SLCO3A1: variants seen among roughly 807,000 people sequenced by gnomAD.
The protein encoded by SLCO3A1 is PGE1 transporter.
A neutral mutation model predicts 63.1 loss-of-function variants in SLCO3A1; 27 were observed. That is an observed-to-expected ratio of 0.43 (90% CI 0.32 to 0.59). The LOEUF is 0.59. Among genes scored for constraint, SLCO3A1 ranks in the 20% least tolerant of loss-of-function variants. The pLI, the probability that SLCO3A1 is intolerant of heterozygous loss-of-function variation, is 0.09. For synonymous variants in SLCO3A1, 473 were observed against 409.9 expected (o/e 1.15, Z -1.86); for missense variants, 773 against 945.8 (o/e 0.82, Z 2.40).
chr15:91,984,890 T>G (rs2046030998), intron 2 of SLCO3A1, among the ~76,000 whole-genome samples: 1 of 152,374 alleles, frequency 6.6e-6, no homozygotes, highest in Non-Finnish European at 1.5e-5. Context: ...TTTTTTGGTG[T>G]TGTGTTTGTA....
chr15:92,020,122 C>T (rs2151470769), intron 2 of SLCO3A1, among the ~76,000 whole-genome samples: 1 of 152,282 alleles, frequency 6.6e-6, no homozygotes, highest in African/African-American at 2.4e-5. Context: ...GGGATATGAG[C>T]CTCTCTCTGA....
chr15:92,112,870 A>G (rs1192544473), intron 4 of SLCO3A1, among the ~76,000 whole-genome samples: 4 of 152,130 alleles, frequency 2.6e-5, no homozygotes, highest in Admixed American at 1.3e-4. Flanking sequence ...TTTCACCCCC[A>G]CTGTTTCTTT....
chr15:91,964,732 A>C (rs923305983), intron 2 of SLCO3A1, among the ~76,000 whole-genome samples: 1 of 150,988 alleles, frequency 6.6e-6, no homozygotes, highest in Admixed American at 6.6e-5. Context: ...AACATCCTTT[A>C]AAATTAGATA....
chr15:91,987,050 AC>A (rs2046062456), intron 2 of SLCO3A1, among the ~76,000 whole-genome samples: 1 of 152,114 alleles, frequency 6.6e-6, no homozygotes, highest in Non-Finnish European at 1.5e-5. Flanking sequence ...TTGGGGCTTC[AC>A]AGCCCCAAAG....
At chr15:92,087,437 G>A (rs1030417949) in intron 2 of SLCO3A1, among the ~76,000 whole-genome samples, 12 of 152,044 alleles carry the variant, frequency 7.9e-5, no homozygotes, top group Admixed American at 2.0e-4. Context: ...TTGGTCCTTA[G>A]CATTTCTATG....
At position 92,080,097 on chromosome 15, in the gene SLCO3A1, G is replaced by A. The variant is rs555116671; in HGVS notation, c.647-14784G>A. Among the ~76,000 whole-genome samples, 163 of 152,362 alleles carry A rather than the reference G, an allele frequency of 1.1e-3. 1 individual carries two copies. The highest frequency in any genetic ancestry group is 6.8e-3 in the Middle Eastern group (2 of 294). On this transcript the variant is annotated intron_variant, in intron 2 of 9. Coordinates refer to ENST00000318445, the MANE Select transcript of SLCO3A1 (RefSeq NM_013272.4). ...AAAGAAAAGATGCCTCTTTCAGCTA[G>A]GTTGAGAAGCCCAGAGTGGCAACAG... is the stretch of plus-strand genomic sequence containing the variant.
intron 2 of SLCO3A1, among the ~76,000 whole-genome samples, chr15:92,026,572 AG>A (rs1285230849): frequency 1.3e-5 from 2 of 152,228 alleles, no homozygotes; most frequent in Non-Finnish European, 2.9e-5. Flanking sequence ...GGGGTCCCTA[AG>A]GGTTCTATGA....
chr15:92,125,651 A>T (rs975702616), intron 5 of SLCO3A1, among the ~76,000 whole-genome samples: 1 of 151,960 alleles, frequency 6.6e-6, no homozygotes, highest in African/African-American at 2.4e-5. Flanking sequence ...AATGATCTCA[A>T]GTCCGCTTCC....
At chr15:92,126,443 T>C (rs182923938) in intron 6 of SLCO3A1, among the ~76,000 whole-genome samples, 184 bp downstream of exon 6, 14 of 152,202 alleles carry the variant, frequency 9.2e-5, no homozygotes, top group African/African-American at 3.1e-4. Context: ...AAAGCAGACC[T>C]TTCCACTCAA....
chr15:92,104,069 TAAG>T (rs2047637605), intron 3 of SLCO3A1, among the ~76,000 whole-genome samples: 1 of 152,120 alleles, frequency 6.6e-6, no homozygotes, highest in Non-Finnish European at 1.5e-5. Context: ...ACAAGAAAAT[TAAG>T]GGGGGAATGT....
intron 9 of SLCO3A1, among the ~76,000 whole-genome samples, chr15:92,151,943 CAATTAGTTA>C (rs2048311086): frequency 6.6e-6 from 1 of 152,088 alleles, no homozygotes. Context: ...CAACAGCAGA[CAATTAGTTA>C]AATCAGTTAT....
At chr15:92,130,252 C>G (rs1363900844) in intron 7 of SLCO3A1, among the ~76,000 whole-genome samples, 2 of 152,238 alleles carry the variant, frequency 1.3e-5, no homozygotes, top group African/African-American at 2.4e-5. Flanking sequence ...TGGCTGCATC[C>G]CACTGCTGAA....
chr15:92,120,633 A>G lies in SLCO3A1; in HGVS notation c.1174+4A>G. 6.3e-7 allele frequency: 1 copy of G among 1,575,734 alleles called. No individual in the cohort carries two copies. The highest frequency in any genetic ancestry group is 1.1e-5 in the South Asian group (1 of 90,154). On this transcript the variant is annotated splice_donor_region_variant and intron_variant, in intron 5 of 9. Coordinates refer to ENST00000318445, the MANE Select transcript of SLCO3A1 (RefSeq NM_013272.4). ...TCTTCTGCCAACCAGCTGCTTGGTG[A>G]GTGTGTCCTCAGGCCTCCTGAGAGG...
chr15:91,952,444 G>A (rs1900031106), intron 2 of SLCO3A1, among the ~76,000 whole-genome samples: 1 of 152,222 alleles, frequency 6.6e-6, no homozygotes, highest in Admixed American at 6.5e-5. Flanking sequence ...TGAGCACCTG[G>A]CATAAAGTAG....
chr15:91,993,789 G>C (rs2046156104), intron 2 of SLCO3A1, among the ~76,000 whole-genome samples: 1 of 152,158 alleles, frequency 6.6e-6, no homozygotes, highest in South Asian at 2.1e-4. Context: ...TAACTCCAAG[G>C]CTAGATCGTA....
At chr15:92,014,223 C>T (rs2046400196) in intron 2 of SLCO3A1, among the ~76,000 whole-genome samples, 1 of 152,174 alleles carries the variant, frequency 6.6e-6, no homozygotes, top group African/African-American at 2.4e-5. Context: ...ATGGGCGTCT[C>T]ACCTAGATCA....
chr15:92,146,992 G>C lies in SLCO3A1; in HGVS notation c.1521G>C (p.Thr507=), dbSNP rs74028828. ...CFAGCNSTNL[T]GCACLTTVPA... is the part of the protein sequence containing the mutation. ...GAACGCTTCCCTTTCAGAATCTCAC[G>C]GGCTGTGCGTGCCTCACCACCGTCC... The change falls in exon 8 of 10, where the codon ACG becomes ACC. Residue 507 remains threonine (T), a synonymous_variant. Transcript: ENST00000318445. 2 of 1,610,990 alleles carry C rather than the reference G, an allele frequency of 1.2e-6. No individual in the cohort carries two copies. The highest frequency in any genetic ancestry group is 1.3e-5 in the African/African-American group (1 of 74,924).
intron 7 of SLCO3A1, among the ~76,000 whole-genome samples, chr15:92,130,885 CAAA>C (rs993611856): frequency 0.011 from 244 of 21,812 alleles, no homozygotes; most frequent in African/African-American, 0.024. Flanking sequence ...AAGTTCGGGG[CAAA>C]AAAAAAAAAA....
At chr15:91,964,393 A>G (rs1417101041) in intron 2 of SLCO3A1, among the ~76,000 whole-genome samples, 1 of 151,896 alleles carries the variant, frequency 6.6e-6, no homozygotes, top group Non-Finnish European at 1.5e-5. Flanking sequence ...TGTTCGACTG[A>G]CAGCTACTGC....
Sources: allele counts gnomAD v4.1 joint callset (sites outside exome capture counted in the v4.1 genomes callset), GRCh38; gene constraint gnomAD v4.1.1; transcripts MANE v1.5; gene names NCBI Gene and HGNC (gene_info 2026-07-23, HGNC 2026-07-21).